Variants in NGEF observed in about 807,000 individuals in gnomAD.
NGEF encodes neuronal guanine nucleotide exchange factor.
NGEF carries 31 observed loss-of-function variants against 80.9 expected under a neutral mutation model. The observed-to-expected ratio is 0.38, with a 90% CI of 0.29 to 0.52. The LOEUF (loss-of-function observed/expected upper bound fraction) is 0.52. NGEF is among the 20% of genes least tolerant of loss of function. The pLI is 0.84. For missense variants in NGEF, 709 were observed against 926.2 expected, an observed-to-expected ratio of 0.77 and a Z score of 3.04; for synonymous variants, 371 against 370.2, an observed-to-expected ratio of 1.00 and a Z score of -0.03.
At chr2:232,956,226 G>A (rs986388193) in intron 3 of NGEF, among the ~76,000 whole-genome samples, 9 of 152,114 alleles carry the variant, frequency 5.9e-5, no homozygotes, top group Non-Finnish European at 1.2e-4. Context: ...GAAGGGACCT[G>A]GCTGGGCCCT....
chr2:232,961,302 G>A (rs927388158), intron 3 of NGEF, among the ~76,000 whole-genome samples: 2 of 152,070 alleles, frequency 1.3e-5, no homozygotes, highest in African/African-American at 4.8e-5. Flanking sequence ...TTGTGTGTGA[G>A]ACTCAGACTC....
At chr2:233,010,691 C>A (rs1695184083) in intron 1 of NGEF, among the ~76,000 whole-genome samples, 1 of 152,218 alleles carries the variant, frequency 6.6e-6, no homozygotes, top group Admixed American at 6.5e-5. Flanking sequence ...CCAAAAGCAG[C>A]CCACAGAGGG....
chr2:232,925,300 CACAGACCTCAAGTCTATG>C (rs1693036566), intron 4 of NGEF, among the ~76,000 whole-genome samples: 1 of 152,222 alleles, frequency 6.6e-6, no homozygotes, highest in African/African-American at 2.4e-5. Context: ...ATCCGCTTAG[CACAGACCTCAAGTCTATG>C]ACAGGTGAGA....
intron 3 of NGEF, among the ~76,000 whole-genome samples, chr2:232,968,870 G>T (rs10933417): frequency 0.78 from 119,294 of 152,154 alleles, 47,288 homozygotes; most frequent in African/African-American, 0.89. Flanking sequence ...GCCCTTCCCT[G>T]GCTGGCTTTT....
chr2:232,987,353 T>A (rs1694554739), intron 1 of NGEF, among the ~76,000 whole-genome samples: 1 of 152,152 alleles, frequency 6.6e-6, no homozygotes, highest in Admixed American at 6.5e-5. Context: ...GAATTGCTGC[T>A]AAGGCCAAAC....
chr2:232,927,301 A>C, intron 3 of NGEF, 115 bp from the exon 4 acceptor site: 1 of 1,202,800 alleles, frequency 8.3e-7, no homozygotes, highest in Non-Finnish European at 1.1e-6. Flanking sequence ...CTTACCCGGG[A>C]CCGTCCAGGG....
intron 1 of NGEF, among the ~76,000 whole-genome samples, chr2:233,006,318 C>T (rs1432158678): frequency 6.6e-6 from 1 of 152,182 alleles, no homozygotes; most frequent in African/African-American, 2.4e-5. Context: ...GCCTTCACTT[C>T]TCAAGCAATA....
chr2:232,894,917 C>A lies in NGEF; in HGVS notation c.829-1G>T. ...CGGAAGTGACCAGCTCGAACATGGCCTGTAGCAGGGAGACCCCATGGTTAC... is the reference window on the plus strand; with the variant it reads ...CGGAAGTGACCAGCTCGAACATGGCATGTAGCAGGGAGACCCCATGGTTAC... On this transcript the variant is annotated splice_acceptor_variant, in intron 5 of 14. Coordinates refer to ENST00000264051, the MANE Select transcript of NGEF (RefSeq NM_019850.3). LOFTEE classifies it high-confidence loss of function. 2 of 1,577,114 alleles carry A rather than the reference C, an allele frequency of 1.3e-6. No homozygotes were observed. Among genetic ancestry groups the A allele is most frequent in the South Asian group, 1.1e-5 (1 of 89,026 alleles).
chr2:232,988,071 G>GTA (rs1694571846), intron 1 of NGEF, among the ~76,000 whole-genome samples: 1 of 151,382 alleles, frequency 6.6e-6, no homozygotes, highest in Non-Finnish European at 1.5e-5. Flanking sequence ...GTGTGTGTGT[G>GTA]TGTGTGTGTG....
rs1432154153 is a variant in NGEF at position 232,934,293 on chromosome 2, CAT to C, written c.384-7109_384-7108del. The stretch of plus-strand genomic sequence containing the variant: ...GAAAGAAAAACACTCTATGGGCAAA[CAT>C]AGGACTGCCTGGTTTGCGTGGCTTC... On this transcript the variant is annotated intron_variant, in intron 3 of 14. Coordinates refer to ENST00000264051, the MANE Select transcript of NGEF (RefSeq NM_019850.3). Among the ~76,000 whole-genome samples, 15 of 148,680 alleles carry C rather than the reference CAT, an allele frequency of 1.0e-4. 1 individual carries two copies. The highest frequency in any genetic ancestry group is 7.4e-4 in the Admixed American group (11 of 14,946).
chr2:232,896,003 T>G (rs1692046089), intron 5 of NGEF, among the ~76,000 whole-genome samples: 2 of 151,398 alleles, frequency 1.3e-5, no homozygotes, highest in Non-Finnish European at 2.9e-5. Context: ...CTCCCTTGTT[T>G]ACAAATCAAC....
chr2:232,913,364 A>G (rs542830482), intron 5 of NGEF, among the ~76,000 whole-genome samples: 100 of 152,350 alleles, frequency 6.6e-4, no homozygotes, highest in African/African-American at 2.1e-3. Context: ...TATGACTTCA[A>G]TTCTTTTCAG....
chr2:232,951,957 C>T (rs528822421), intron 3 of NGEF, among the ~76,000 whole-genome samples: 2 of 152,212 alleles, frequency 1.3e-5, no homozygotes, highest in South Asian at 2.1e-4. Context: ...GTTTCTGCCA[C>T]AGTTGAAGGG....
chr2:233,001,556 C>T (rs531253503), intron 1 of NGEF, among the ~76,000 whole-genome samples: 23 of 152,106 alleles, frequency 1.5e-4, no homozygotes, highest in East Asian at 1.4e-3. Context: ...CCAGCGAGAA[C>T]GGAAGGCGAG....
intron 1 of NGEF, among the ~76,000 whole-genome samples, chr2:232,976,260 T>G (rs538562665): frequency 6.6e-6 from 1 of 152,144 alleles, no homozygotes; most frequent in Admixed American, 6.6e-5. Context: ...GCTCAACCAG[T>G]GTTCTACGAT....
chr2:232,903,451 C>T (rs1692413300), intron 5 of NGEF, among the ~76,000 whole-genome samples: 1 of 152,100 alleles, frequency 6.6e-6, no homozygotes, highest in Non-Finnish European at 1.5e-5. Context: ...CACACACACA[C>T]ACACACACAC....
At chr2:232,970,053 A>C in intron 3 of NGEF, 161 bp downstream of exon 3, 1 of 399,332 alleles carries the variant, frequency 2.5e-6, no homozygotes. Context: ...TTTTTTTTAA[A>C]TTATGGAGTT....
At chr2:232,951,228 G>A (rs1693673996) in intron 3 of NGEF, among the ~76,000 whole-genome samples, 1 of 152,132 alleles carries the variant, frequency 6.6e-6, no homozygotes, top group African/African-American at 2.4e-5. Context: ...GCGCTACCTC[G>A]ATGTCTAGGG....
At chr2:232,993,181 A>AATAT (rs1402156037) in intron 1 of NGEF, among the ~76,000 whole-genome samples, 1 of 84,344 alleles carries the variant, frequency 1.2e-5, no homozygotes, top group Admixed American at 1.6e-4. Flanking sequence ...TATATAAATA[A>AATAT]ATATATATAT....
Sources: gnomAD v4.1 joint callset for allele counts (sites outside exome capture counted in the v4.1 genomes callset) on GRCh38, gnomAD v4.1.1 for gene constraint, MANE v1.5 for transcripts, NCBI Gene and HGNC (gene_info 2026-07-23, HGNC 2026-07-21) for gene names.